Variants in MAPKAPK2 observed in about 807,000 individuals in gnomAD.
MAPKAPK2 encodes MAP kinase-activated protein kinase 2.
In MAPKAPK2, 9 loss-of-function variants were observed where a neutral mutation model predicts 48.8. The ratio of observed to expected loss-of-function variants is 0.18; its 90% CI spans 0.11 to 0.32. The LOEUF (loss-of-function observed/expected upper bound fraction) is 0.32. Ranked by LOEUF, MAPKAPK2 falls within the 10% of genes least tolerant of loss-of-function variation. The pLI, the probability that MAPKAPK2 is intolerant of heterozygous loss-of-function variation, is 1.00. For missense variants in MAPKAPK2, 331 were observed against 498.3 expected (o/e 0.66, Z 3.20); for synonymous variants, 202 against 190.6 (o/e 1.06, Z -0.49).
intron 1 of MAPKAPK2, among the ~76,000 whole-genome samples, chr1:206,690,581 T>C: frequency 6.6e-6 from 1 of 152,202 alleles, no homozygotes; most frequent in Non-Finnish European, 1.5e-5. Context: ...CCATAATTGA[T>C]GATTTTTCTT....
At chr1:206,726,916 T>C (rs782488079) in intron 1 of MAPKAPK2, among the ~76,000 whole-genome samples, 2 of 152,206 alleles carry the variant, frequency 1.3e-5, no homozygotes, top group Non-Finnish European at 2.9e-5. Flanking sequence ...TTTGCAAGCT[T>C]CAGACACTTT....
intron 1 of MAPKAPK2, among the ~76,000 whole-genome samples, chr1:206,712,518 G>T (rs1673188867): frequency 6.6e-6 from 1 of 152,010 alleles, no homozygotes; most frequent in Admixed American, 6.6e-5. Flanking sequence ...TGTTAGTTTT[G>T]GCGTATATTT....
chr1:206,691,723 A>G (rs1253085874), intron 1 of MAPKAPK2, among the ~76,000 whole-genome samples: 1 of 152,014 alleles, frequency 6.6e-6, no homozygotes, highest in African/African-American at 2.4e-5. Context: ...AGGGTGAGGC[A>G]GTAGAAGGCG....
In MAPKAPK2 at chr1:206,685,270, T is replaced by C. The variant is rs2102366374; in HGVS notation, c.41T>C (p.Phe14Ser). The C allele has an allele frequency of 1.8e-6, 1 of 566,980 alleles. No homozygotes were observed. The highest frequency in any genetic ancestry group is 2.6e-6 in the Non-Finnish European group (1 of 379,590). 35.1% of individuals were successfully genotyped at this position (566,980 alleles called of 1,614,324 possible). Residue 14 changes from phenylalanine (F) to serine (S), a missense_variant, in exon 1 of 10, where the codon TTC becomes TCC. By Grantham distance (155) the Phe-to-Ser change is radical. Transcript: ENST00000367103. ...CAGGGCCAGAGCCCGCCGGTGCCGTTCCCCGCCCCGGCCCCGCCGCCGCAG... is the reference window on the plus strand; with the variant it reads ...CAGGGCCAGAGCCCGCCGGTGCCGTCCCCCGCCCCGGCCCCGCCGCCGCAG... The part of the protein sequence containing the change: ...NSQGQSPPVP[F>S]PAPAPPPQPP...
intron 4 of MAPKAPK2, 150 bp downstream of exon 4, chr1:206,729,625 C>G: frequency 1.4e-6 from 1 of 732,590 alleles, no homozygotes. Context: ...CTTGCCCTCT[C>G]TGCCCATGGG....
chr1:206,715,942 C>T (rs1292934497), intron 1 of MAPKAPK2, among the ~76,000 whole-genome samples: 4 of 151,948 alleles, frequency 2.6e-5, no homozygotes, highest in East Asian at 3.9e-4. Context: ...TGATCCACTG[C>T]GCCTGACCTG....
At chr1:206,727,142 C>G (rs1673725688) in intron 1 of MAPKAPK2, among the ~76,000 whole-genome samples, 1 of 152,174 alleles carries the variant, frequency 6.6e-6, no homozygotes, top group Non-Finnish European at 1.5e-5. Flanking sequence ...CATGAAGATG[C>G]TAAATCTGTG....
chr1:206,702,984 G>C (rs1392635530), intron 1 of MAPKAPK2, among the ~76,000 whole-genome samples: 8 of 152,156 alleles, frequency 5.3e-5, no homozygotes, highest in Admixed American at 6.5e-5. Context: ...CTGCATGACT[G>C]CTATGCACTC....
chr1:206,731,511 C>A lies in MAPKAPK2; in HGVS notation c.893-129C>A. The A allele has an allele frequency of 9.3e-7, 1 of 1,074,134 alleles. No homozygotes were observed. Among genetic ancestry groups the A allele is most frequent in the Non-Finnish European group, 1.4e-6 (1 of 707,156 alleles). The allele number at this position is 1,074,134 out of a possible 1,614,324, so 66.5% of individuals were successfully genotyped here. On this transcript the variant is annotated intron_variant, in intron 7 of 9. Transcript: ENST00000367103. This position sits in a 1 kb window ranked among gnomAD's most constrained non-coding sequence, Gnocchi z 5.9. ...GGTACAGCCGTAATGGTCCTTGGGG[C>A]CAGTTGCTCCGGCAGCCTGCCTCCA...
rs1553426248 is a variant in MAPKAPK2, at chr1:206,691,502, T to TATATATATAC, written c.279+5997_279+5998insTATATACATA. Among the ~76,000 whole-genome samples the TATATATATAC allele has an allele frequency of 8.3e-5, 11 of 132,666 alleles. 1 individual carries two copies. Among genetic ancestry groups the TATATATATAC allele is most frequent in the African/African-American group, 2.6e-4 (9 of 34,348 alleles). The allele number at this position is 132,666 out of a possible 152,430, so 87.0% of individuals were successfully genotyped here. A position where few individuals can be genotyped will look rare whatever the true frequency, so the allele number is the denominator to read the frequency against. On this transcript the variant is annotated intron_variant, in intron 1 of 9. Transcript: ENST00000367103. ...TTTAAGATATATATATATATATATATATACACACATACACAGATATAGATA... is the reference window on the plus strand; with the variant it reads ...TTTAAGATATATATATATATATATATATATATATACATACACACATACACAGATATAGATA...
chr1:206,705,380 T>C (rs915411889), intron 1 of MAPKAPK2, among the ~76,000 whole-genome samples: 1 of 152,172 alleles, frequency 6.6e-6, no homozygotes, highest in South Asian at 2.1e-4. Flanking sequence ...CTGTCATGCC[T>C]GGGAAGCAGC....
At chr1:206,719,109 T>G (rs1177561811) in intron 1 of MAPKAPK2, among the ~76,000 whole-genome samples, 1 of 152,250 alleles carries the variant, frequency 6.6e-6, no homozygotes, top group Admixed American at 6.5e-5. Context: ...TCTTATCGTT[T>G]GGCCATTTTT....
Position 206,716,148 on chromosome 1 carries a change from G to A in MAPKAPK2, c.280-12562G>A, listed in dbSNP as rs187179329. ...TTTACTAGGTTTTTCTTCCTGGCCA[G>A]AAGTAAGTTCAGGGTAATAGTTCCC... On this transcript the variant is annotated intron_variant, in intron 1 of 9. Transcript: ENST00000367103. Among the ~76,000 whole-genome samples, 174 of 151,512 alleles carry A rather than the reference G, an allele frequency of 1.1e-3. 1 individual carries two copies. Among genetic ancestry groups the A allele is most frequent in the African/African-American group, 4.1e-3 (170 of 41,234 alleles).
intron 1 of MAPKAPK2, among the ~76,000 whole-genome samples, chr1:206,725,839 G>A (rs1553431799): frequency 6.6e-6 from 1 of 152,118 alleles, no homozygotes; most frequent in Non-Finnish European, 1.5e-5. Context: ...CACTCTTACA[G>A]CATGTAATCT....
intron 1 of MAPKAPK2, among the ~76,000 whole-genome samples, chr1:206,690,449 C>T (rs1235499180): frequency 1.3e-5 from 2 of 152,124 alleles, no homozygotes; most frequent in Non-Finnish European, 2.9e-5. Context: ...GACAAGCAGT[C>T]CCTGGGCCTT....
At position 206,732,855 on chromosome 1, in the gene MAPKAPK2, A is replaced by T. The variant is rs927998988; in HGVS notation, c.*137A>T. 3 of 1,065,406 alleles carry T rather than the reference A, an allele frequency of 2.8e-6. No individual in the cohort carries two copies. In the African/African-American group the frequency reaches 4.8e-5, roughly 17 times the overall value. 66.0% of individuals were successfully genotyped at this position (1,065,406 alleles called of 1,614,324 possible). ...CATGGAGCCTGGAACTGCATCAGTG[A>T]CTGAATTCTGCCTTGGTTCTGGCCA... On this transcript the variant is annotated 3_prime_UTR_variant, in exon 10 of 10. Transcript: ENST00000367103. This position sits in a 1 kb window ranked among gnomAD's most constrained non-coding sequence, Gnocchi z 4.4.
intron 1 of MAPKAPK2, among the ~76,000 whole-genome samples, chr1:206,728,036 CCTGAG>C (rs1673762066): frequency 6.6e-6 from 1 of 152,170 alleles, no homozygotes; most frequent in East Asian, 1.9e-4. Context: ...AGATTGAACC[CCTGAG>C]GCTGGTGAGA....
At chr1:206,702,020 G>A (rs1672813365) in intron 1 of MAPKAPK2, among the ~76,000 whole-genome samples, 1 of 152,052 alleles carries the variant, frequency 6.6e-6, no homozygotes, top group South Asian at 2.1e-4. Flanking sequence ...CTTCAGAGGA[G>A]GTAACCTGGA....
intron 1 of MAPKAPK2, among the ~76,000 whole-genome samples, chr1:206,714,441 A>AT (rs149525733): frequency 0.033 from 4,968 of 152,164 alleles, 193 homozygotes; most frequent in South Asian, 0.22. Context: ...TGAGGAGTTT[A>AT]TCCTATTTGT....
Sources: allele counts gnomAD v4.1 joint callset (sites outside exome capture counted in the v4.1 genomes callset), GRCh38; gene constraint gnomAD v4.1.1; non-coding constraint Gnocchi (gnomAD v3.1); transcripts MANE v1.5; gene names NCBI Gene and HGNC (gene_info 2026-07-23, HGNC 2026-07-21).